Variants in MACROD2 observed in about 807,000 individuals in gnomAD.
The protein encoded by MACROD2 is ADP-ribose glycohydrolase MACROD2.
In MACROD2, 36 loss-of-function variants were observed where a neutral mutation model predicts 70.4. The observed-to-expected ratio is 0.51, with a 90% confidence interval of 0.39 to 0.68. The LOEUF (loss-of-function observed/expected upper bound fraction) is 0.68. Among genes scored for constraint, MACROD2 ranks in the 30% least tolerant of loss-of-function variants. The pLI is 0.00. For synonymous variants in MACROD2, 172 were observed against 178.8 expected (o/e 0.96, Z 0.30); for missense variants, 496 against 538.4 (o/e 0.92, Z 0.78).
At chr20:15,147,212 C>G (rs2076236632) in intron 5 of MACROD2, among the ~76,000 whole-genome samples, 1 of 152,132 alleles carries the variant, frequency 6.6e-6, no homozygotes, top group African/African-American at 2.4e-5. Flanking sequence ...ATTCATGGTA[C>G]TTTTTCCTTT....
chr20:16,006,658 AAG>A (rs905631270), intron 15 of MACROD2, among the ~76,000 whole-genome samples: 1 of 152,110 alleles, frequency 6.6e-6, no homozygotes, highest in Non-Finnish European at 1.5e-5. Context: ...GTGGGATGTT[AAG>A]AGAGGGGCCC....
At chr20:15,487,428 TATATC>T (rs1184621204) in intron 7 of MACROD2, among the ~76,000 whole-genome samples, 1 of 152,216 alleles carries the variant, frequency 6.6e-6, no homozygotes, top group African/African-American at 2.4e-5. Context: ...AGATTTTAAT[TATATC>T]ATATAATGTA....
chr20:14,509,005 C>T (rs1450942947), intron 4 of MACROD2, among the ~76,000 whole-genome samples: 1 of 152,102 alleles, frequency 6.6e-6, no homozygotes, highest in Non-Finnish European at 1.5e-5. Context: ...TCAATGGAAT[C>T]ATATGCAACC....
At chr20:15,794,907 T>G (rs2063659029) in intron 8 of MACROD2, among the ~76,000 whole-genome samples, 1 of 152,184 alleles carries the variant, frequency 6.6e-6, no homozygotes, top group Non-Finnish European at 1.5e-5. Flanking sequence ...TAAAAAGAAT[T>G]GAACCCCGTG....
At chr20:15,985,339 C>G (rs1471347636) in intron 13 of MACROD2, among the ~76,000 whole-genome samples, 1 of 152,094 alleles carries the variant, frequency 6.6e-6, no homozygotes, top group Non-Finnish European at 1.5e-5. Flanking sequence ...AATTCAAAAT[C>G]CGAGTTCCAA....
intron 2 of MACROD2, among the ~76,000 whole-genome samples, chr20:14,003,923 C>T (rs777139972): frequency 9.9e-5 from 15 of 152,144 alleles, no homozygotes; most frequent in Non-Finnish European, 2.2e-4. Context: ...ATGTTTGAGT[C>T]TCAGTAATTT....
chr20:15,508,959 C>A (rs563838247), intron 8 of MACROD2, among the ~76,000 whole-genome samples: 1 of 152,126 alleles, frequency 6.6e-6, no homozygotes, highest in Non-Finnish European at 1.5e-5. Context: ...CAATGGCCAC[C>A]CATTTTAAGT....
chr20:15,094,137 T>G lies in MACROD2; in HGVS notation c.419-135803T>G, dbSNP rs187523537. Among the ~76,000 whole-genome samples the G allele has an allele frequency of 4.4e-3, 670 of 152,318 alleles. 10 individuals carry two copies. The highest frequency in any genetic ancestry group is 7.6e-3 in the Non-Finnish European group (515 of 68,026). ...ACAAATAAATCACTTCCTTTAGACT[T>G]TAACTTTCAGCTGAAGTGTCAGTTA... On this transcript the variant is annotated intron_variant, in intron 5 of 17. Coordinates refer to ENST00000684519, the MANE Select transcript of MACROD2 (RefSeq NM_001351661.2).
At chr20:15,671,555 C>T (rs1249197912) in intron 8 of MACROD2, among the ~76,000 whole-genome samples, 1 of 152,144 alleles carries the variant, frequency 6.6e-6, no homozygotes, top group Non-Finnish European at 1.5e-5. Context: ...TCATAGAATC[C>T]TTAATGGAAA....
chr20:15,429,103 G>A (rs2046334835), intron 6 of MACROD2, among the ~76,000 whole-genome samples: 1 of 152,122 alleles, frequency 6.6e-6, no homozygotes, highest in Admixed American at 6.6e-5. Flanking sequence ...TGAACTCTGA[G>A]TCCTTTCTAA....
chr20:14,368,644 C>G (rs2083295587), intron 3 of MACROD2, among the ~76,000 whole-genome samples: 1 of 151,822 alleles, frequency 6.6e-6, no homozygotes, highest in Admixed American at 6.6e-5. Context: ...ACTTTTGTCC[C>G]TTGCTATAGC....
chr20:15,007,803 T>G lies in MACROD2; in HGVS notation c.419-222137T>G, dbSNP rs1156833681. 1.3e-5 allele frequency among the ~76,000 whole-genome samples: 2 copies of G among 152,188 alleles called. 1 individual carries two copies. The highest frequency in any genetic ancestry group is 2.9e-5 in the Non-Finnish European group (2 of 68,032). On this transcript the variant is annotated intron_variant, in intron 5 of 17. Coordinates refer to ENST00000684519, the MANE Select transcript of MACROD2 (RefSeq NM_001351661.2). ...ACACCACATGTGCCTTTTAACACTC[T>G]CAGGGACATTGCTTCAGGAAACCCC... is the stretch of plus-strand genomic sequence containing the variant.
intron 9 of MACROD2, among the ~76,000 whole-genome samples, chr20:15,880,355 C>A (rs1177195593): frequency 6.6e-6 from 1 of 151,870 alleles, no homozygotes; most frequent in Non-Finnish European, 1.5e-5. Flanking sequence ...ATGTTTTTCC[C>A]TCTGCTTGAG....
At position 15,271,918 on chromosome 20, in the gene MACROD2, C is replaced by T. The variant is rs190737004; in HGVS notation, c.540+41857C>T. On this transcript the variant is annotated intron_variant, in intron 6 of 17. Transcript: ENST00000684519. ...ATACTTCATTTCCATCTGTAAAGTTCTAGATTTCAAAGTGGAGAGCTGGGA... is the reference window on the plus strand; with the variant it reads ...ATACTTCATTTCCATCTGTAAAGTTTTAGATTTCAAAGTGGAGAGCTGGGA... 5.3e-3 allele frequency among the ~76,000 whole-genome samples: 806 copies of T among 152,272 alleles called. 4 individuals are homozygous for T. The highest frequency in any genetic ancestry group is 0.016 in the Admixed American group (240 of 15,292).
chr20:16,027,845 G>A (rs1456473754), intron 15 of MACROD2, among the ~76,000 whole-genome samples: 1 of 152,168 alleles, frequency 6.6e-6, no homozygotes, highest in Non-Finnish European at 1.5e-5. Flanking sequence ...CATTATTCCT[G>A]CTGGAAAGAC....
intron 4 of MACROD2, among the ~76,000 whole-genome samples, chr20:14,509,138 C>A (rs985829707): frequency 6.6e-6 from 1 of 152,002 alleles, no homozygotes. Flanking sequence ...ATCAAAAGAA[C>A]CATAAGCTAT....
At chr20:15,365,633 C>G (rs1600299828) in intron 6 of MACROD2, among the ~76,000 whole-genome samples, 1 of 151,554 alleles carries the variant, frequency 6.6e-6, no homozygotes, top group Non-Finnish European at 1.5e-5. Context: ...TGCACTCCAG[C>G]CTGGGCGACA....
At chr20:14,984,828 C>T (rs565170996) in intron 5 of MACROD2, among the ~76,000 whole-genome samples, 38 of 152,240 alleles carry the variant, frequency 2.5e-4, no homozygotes, top group African/African-American at 8.9e-4. Flanking sequence ...AGTAGAGGAA[C>T]ATCTCATGCT....
chr20:15,629,326 G>C (rs1017951792), intron 8 of MACROD2, among the ~76,000 whole-genome samples: 2 of 152,164 alleles, frequency 1.3e-5, no homozygotes, highest in African/African-American at 4.8e-5. Flanking sequence ...GATGTAGATT[G>C]ACCCCAAATC....
Sources: allele counts gnomAD v4.1 joint callset (sites outside exome capture counted in the v4.1 genomes callset), GRCh38; gene constraint gnomAD v4.1.1; transcripts MANE v1.5; gene names NCBI Gene and HGNC (gene_info 2026-07-23, HGNC 2026-07-21).